SCAMP4: variants seen among roughly 807,000 people sequenced by gnomAD.
The protein encoded by SCAMP4 is secretory carrier membrane protein 4, also known as secretory carrier-associated membrane protein 4.
A neutral mutation model predicts 32.1 loss-of-function variants in SCAMP4; 19 were observed. The observed-to-expected ratio is 0.59, with a 90% CI of 0.41 to 0.87. The LOEUF (loss-of-function observed/expected upper bound fraction) is 0.87. Among genes scored for constraint, SCAMP4 ranks in the 40% least tolerant of loss-of-function variants. The pLI, the probability that SCAMP4 is intolerant of heterozygous loss-of-function variation, is 0.00. For synonymous variants in SCAMP4, 152 were observed against 132.7 expected (o/e 1.15, Z -1.00); for missense variants, 302 against 309.0 (o/e 0.98, Z 0.17).
At chr19:1,917,998 A>G in intron 3 of SCAMP4, 129 bp from the exon 4 acceptor site, 1 of 1,379,476 alleles carries the variant, frequency 7.2e-7, no homozygotes, top group Non-Finnish European at 9.9e-7. Context: ...CTTGGCTTGC[A>G]CAGTTCATCC....
chr19:1,911,314 G>A (rs1207813198), intron 1 of SCAMP4, among the ~76,000 whole-genome samples: 5 of 152,028 alleles, frequency 3.3e-5, no homozygotes, highest in Admixed American at 1.3e-4. Context: ...TGAAACCACC[G>A]GTGTGTGCCA....
intron 5 of SCAMP4, 167 bp downstream of exon 5, chr19:1,919,157 G>GCCCGCGTCCTCGCCAGCA (rs2013836336): frequency 2.1e-6 from 3 of 1,442,502 alleles, no homozygotes; most frequent in Middle Eastern, 2.5e-4. Flanking sequence ...CCTCGCCAGC[G>GCCCGCGTCCTCGCCAGCA]CCCGCGTCCT....
chr19:1,911,051 A>T (rs892568229), intron 1 of SCAMP4, among the ~76,000 whole-genome samples: 5 of 151,658 alleles, frequency 3.3e-5, no homozygotes, highest in African/African-American at 1.2e-4. Context: ...AATTCTTTGT[A>T]TTTTTAGTAG....
Position 1,908,991 on chromosome 19 carries a change from G to C in SCAMP4, c.-42+3552G>C, listed in dbSNP as rs2013289770. ...GTGGTGGCATGTGCCTGTATTCCCA[G>C]CTACTAGGGGGGCTGAGGCAGGAGA... On this transcript the variant is annotated intron_variant, in intron 1 of 6. Coordinates refer to ENST00000316097, the MANE Select transcript of SCAMP4 (RefSeq NM_079834.4). This position sits in a 1 kb window ranked among gnomAD's most constrained non-coding sequence, Gnocchi z 4.2. Among the ~76,000 whole-genome samples the C allele has an allele frequency of 6.6e-6, 1 of 152,048 alleles. No homozygotes were observed. The highest frequency in any genetic ancestry group is 1.5e-5 in the Non-Finnish European group (1 of 68,026).
intron 3 of SCAMP4, 96 bp from the exon 4 acceptor site, chr19:1,918,031 G>T: frequency 6.8e-7 from 1 of 1,477,810 alleles, no homozygotes; most frequent in African/African-American, 1.4e-5. Flanking sequence ...CACTGGGCTG[G>T]GGAGGCGGAC....
Position 1,914,980 on chromosome 19 carries a change from C to A in SCAMP4, c.-40C>A. The stretch of plus-strand genomic sequence containing the variant: ...TGACTGTGGTTGTCTTCCTTCCAGG[C>A]GGCTGCAGGCTTCAGCCTGCGCTGG... On this transcript the variant is annotated splice_region_variant and 5_prime_UTR_variant, in exon 2 of 7. Transcript: ENST00000316097. The A allele has an allele frequency of 6.2e-7, 1 of 1,613,540 alleles. No homozygotes were observed. Among genetic ancestry groups the A allele is most frequent in the Non-Finnish European group, 8.5e-7 (1 of 1,179,492 alleles).
At chr19:1,913,091 C>A (rs1483406906) in intron 1 of SCAMP4, 11 of 1,600,192 alleles carry the variant, frequency 6.9e-6, no homozygotes, top group Non-Finnish European at 9.3e-6. Context: ...TCAACCACCG[C>A]TTCCAGGTGT....
chr19:1,921,229 C>A, intron 5 of SCAMP4: 1 of 985,204 alleles, frequency 1.0e-6, no homozygotes, highest in Non-Finnish European at 1.2e-6. Context: ...CTGTGCACTG[C>A]TGTGGGGCAA....
At chr19:1,907,219 T>A (rs1416187562) in intron 1 of SCAMP4, 1 of 150,990 alleles carries the variant, frequency 6.6e-6, no homozygotes, top group Non-Finnish European at 1.5e-5. Flanking sequence ...ACTATTGGTG[T>A]GCCCTGGAAC....
At chr19:1,911,830 T>C in intron 1 of SCAMP4, 1 of 447,786 alleles carries the variant, frequency 2.2e-6, no homozygotes, top group Non-Finnish European at 3.8e-6. Flanking sequence ...TGTCTTCTGG[T>C]AGGTGAATTA....
At chr19:1,922,156 T>G in intron 5 of SCAMP4, 3 of 985,444 alleles carry the variant, frequency 3.0e-6, no homozygotes, top group Non-Finnish European at 3.6e-6. Flanking sequence ...GCCTCCTGGG[T>G]CTCAAAGGCA....
intron 1 of SCAMP4, among the ~76,000 whole-genome samples, 190 bp from the exon 2 acceptor site, chr19:1,914,789 C>T (rs1203424187): frequency 6.6e-6 from 1 of 152,158 alleles, no homozygotes; most frequent in Non-Finnish European, 1.5e-5. Flanking sequence ...GTGGTGTGCA[C>T]TGGAGCCGAG....
chr19:1,919,090 G>T (rs1043847002), intron 5 of SCAMP4, 100 bp downstream of exon 5: 9 of 1,542,274 alleles, frequency 5.8e-6, no homozygotes, highest in Admixed American at 2.0e-5. Context: ...GTGCTGGTCC[G>T]GGATTGTACG....
chr19:1,912,144 G>A (rs749004308), intron 1 of SCAMP4: 8 of 1,562,410 alleles, frequency 5.1e-6, no homozygotes, highest in East Asian at 2.3e-5. Context: ...CTTGGAGGCC[G>A]GGAGCCCGGA....
At position 1,908,392 on chromosome 19, in the gene SCAMP4, C is replaced by A. The variant is rs2013252274; in HGVS notation, c.-42+2953C>A. The A allele has an allele frequency of 7.2e-6, 3 of 417,266 alleles. No individual in the cohort carries two copies. The highest frequency in any genetic ancestry group is 1.4e-3 in the Middle Eastern group (2 of 1,460). The allele number at this position is 417,266 out of a possible 1,614,324, so 25.8% of individuals were successfully genotyped here. Reference sequence around the variant, plus strand: ...TGCTGGTCCCCCATCTGTGGGGCGCCCCGGCGGCTGAGGCGTGGACCAGGC... The same window carrying A: ...TGCTGGTCCCCCATCTGTGGGGCGCACCGGCGGCTGAGGCGTGGACCAGGC... On this transcript the variant is annotated intron_variant, in intron 1 of 6. Transcript: ENST00000316097. This position sits in a 1 kb window ranked among gnomAD's most constrained non-coding sequence, Gnocchi z 4.2.
intron 2 of SCAMP4, 75 bp from the exon 3 acceptor site, chr19:1,917,619 G>A (rs1484907516): frequency 1.3e-6 from 2 of 1,572,036 alleles, no homozygotes; most frequent in African/African-American, 1.3e-5. Context: ...ACCCAGCCTT[G>A]GGTCGAAGGG....
Position 1,924,274 on chromosome 19 carries a change from A to G in SCAMP4, c.680A>G (p.Gln227Arg), listed in dbSNP as rs957316515. Residue 227 changes from glutamine (Q) to arginine (R), a missense_variant, in exon 7 of 7, where the codon CAG becomes CGG. Transcript: ENST00000316097. ...PTVPSYPGSG[Q>R]WP ...GTGCCCAGCTACCCGGGCAGTGGCC[A>G]GTGGCCTTAGAGGGAGCCTGCCCTG... 3 of 1,592,648 alleles carry G rather than the reference A, an allele frequency of 1.9e-6. No individual in the cohort carries two copies. The highest frequency in any genetic ancestry group is 2.3e-5 in the East Asian group (1 of 43,738).
intron 5 of SCAMP4, 79 bp from the exon 6 acceptor site, chr19:1,922,991 T>G (rs1458930194): frequency 1.4e-6 from 2 of 1,431,256 alleles, no homozygotes; most frequent in African/African-American, 1.4e-5. Context: ...GCTCTTTACA[T>G]GGGGAGGACC....
chr19:1,923,762 G>C (rs757603993), intron 6 of SCAMP4, among the ~76,000 whole-genome samples: 4 of 147,720 alleles, frequency 2.7e-5, no homozygotes, highest in Non-Finnish European at 5.9e-5. Context: ...GGGACTACAG[G>C]CGCCCGCTAC....
Sources: gnomAD v4.1 joint callset for allele counts (sites outside exome capture counted in the v4.1 genomes callset) on GRCh38, gnomAD v4.1.1 for gene constraint, Gnocchi (gnomAD v3.1) non-coding constraint, MANE v1.5 for transcripts, NCBI Gene and HGNC (gene_info 2026-07-23, HGNC 2026-07-21) for gene names.